DPH6: variants seen among roughly 807,000 people sequenced by gnomAD.
The protein encoded by DPH6 is diphthamine biosynthesis 6.
DPH6 carries 33 observed loss-of-function variants against 38.2 expected under a neutral mutation model. The ratio of observed to expected loss-of-function variants is 0.86; its 90% CI spans 0.65 to 1.15. DPH6 has a LOEUF of 1.15. Among genes scored for constraint, DPH6 ranks in the 50% most tolerant of loss-of-function variants. DPH6 has a pLI of 0.00. For synonymous variants in DPH6, 108 were observed against 103.0 expected, an observed-to-expected ratio of 1.05 and a Z score of -0.30; for missense variants, 325 against 320.0, an observed-to-expected ratio of 1.02 and a Z score of -0.12.
At chr15:35,221,072 A>C (rs2051439160) in intron 3 of DPH6, among the ~76,000 whole-genome samples, 1 of 152,236 alleles carries the variant, frequency 6.6e-6, no homozygotes, top group African/African-American at 2.4e-5. Flanking sequence ...AAAGATGAAC[A>C]TTCATATTCC....
chr15:35,152,120 C>T, the DPH6 span, among the ~76,000 whole-genome samples: 10 of 152,132 alleles, frequency 6.6e-5, no homozygotes, highest in Non-Finnish European at 1.2e-4. Flanking sequence ...AGTTTAGTAA[C>T]GTTTTTGTGA....
At chr15:35,397,760 G>A (rs773395808) in intron 6 of DPH6, among the ~76,000 whole-genome samples, 24 of 152,152 alleles carry the variant, frequency 1.6e-4, no homozygotes, top group Middle Eastern at 3.4e-3. Context: ...CAGAATGCTG[G>A]AGGTTTATTC....
chr15:35,213,244 G>A (rs2051396095), downstream of DPH6, among the ~76,000 whole-genome samples: 2 of 152,136 alleles, frequency 1.3e-5, no homozygotes, highest in East Asian at 1.9e-4. Flanking sequence ...TCTCCTATTT[G>A]CATTTCAAAG....
chr15:35,177,918 G>T, the DPH6 span, among the ~76,000 whole-genome samples: 13 of 150,980 alleles, frequency 8.6e-5, no homozygotes, highest in African/African-American at 3.2e-4. Flanking sequence ...CTCCAGCCTG[G>T]ACAACAAGAG....
At chr15:35,279,084 T>TATATAA (rs1440623243) in intron 3 of DPH6, among the ~76,000 whole-genome samples, 8 of 143,312 alleles carry the variant, frequency 5.6e-5, no homozygotes, top group African/African-American at 2.1e-4. Context: ...TATATATATA[T>TATATAA]AATTTTGGAG....
chr15:35,454,972 A>T (rs2053979033), intron 3 of DPH6, 152 bp from the exon 4 acceptor site: 2 of 539,136 alleles, frequency 3.7e-6, no homozygotes, highest in Admixed American at 4.0e-5. Context: ...TTCAGAAAAA[A>T]TTTGCATATA....
chr15:35,410,167 T>C (rs1414228042), intron 6 of DPH6, among the ~76,000 whole-genome samples: 1 of 151,804 alleles, frequency 6.6e-6, no homozygotes, highest in African/African-American at 2.4e-5. Context: ...GGTTCTTTCA[T>C]AGGAGATTTT....
intron 3 of DPH6, among the ~76,000 whole-genome samples, chr15:35,490,821 A>C (rs1479977321): frequency 6.6e-6 from 1 of 152,100 alleles, no homozygotes; most frequent in African/African-American, 2.4e-5. Flanking sequence ...CTATAAGAGA[A>C]TATCACAGAC....
At chr15:35,181,850 T>G in the DPH6 span, 1 of 152,314 alleles carries the variant, frequency 6.6e-6, no homozygotes, top group East Asian at 1.9e-4. Flanking sequence ...ATGAGACCTA[T>G]TTTTGTAAGT....
At chr15:35,238,220 G>A (rs73391444) in intron 3 of DPH6, 3,745 of 235,924 alleles carry the variant, frequency 0.016, 187 homozygotes, top group African/African-American at 0.089. Flanking sequence ...GGGGTTGCAG[G>A]GAGAGGGAGG....
chr15:35,273,351 T>C (rs551501075), intron 3 of DPH6, among the ~76,000 whole-genome samples: 3 of 152,308 alleles, frequency 2.0e-5, no homozygotes, highest in African/African-American at 7.2e-5. Flanking sequence ...CATTGTATCA[T>C]TCTTACGCCT....
intron 3 of DPH6, among the ~76,000 whole-genome samples, chr15:35,353,939 GTCC>G (rs985199775): frequency 1.3e-5 from 2 of 152,054 alleles, no homozygotes; most frequent in Non-Finnish European, 1.5e-5. Context: ...ATTTATTTGT[GTCC>G]TCTTTTATTT....
chr15:35,377,188 C>T (rs1010758336), intron 7 of DPH6, among the ~76,000 whole-genome samples: 11 of 152,102 alleles, frequency 7.2e-5, no homozygotes, highest in East Asian at 1.9e-4. Flanking sequence ...CACGGCATTA[C>T]GGTGTTCTGT....
At chr15:35,490,278 G>T in intron 3 of DPH6, 1 of 734,976 alleles carries the variant, frequency 1.4e-6, no homozygotes, top group Non-Finnish European at 1.7e-6. Context: ...ATAAAGAGAG[G>T]TTTGTAGTAG....
intron 3 of DPH6, chr15:35,299,530 G>A (rs564946217): frequency 1.6e-6 from 1 of 609,086 alleles, no homozygotes; most frequent in Non-Finnish European, 3.0e-6. Flanking sequence ...AGGAGCCAAC[G>A]GCGGCACCAC....
intron 3 of DPH6, among the ~76,000 whole-genome samples, chr15:35,306,635 A>C (rs777796263): frequency 6.6e-5 from 10 of 152,220 alleles, no homozygotes; most frequent in Non-Finnish European, 1.0e-4. Flanking sequence ...GAATTTCATG[A>C]TTGATTGCCC....
intron 3 of DPH6, 137 bp downstream of exon 3, chr15:35,538,137 C>A: frequency 1.4e-6 from 1 of 730,360 alleles, no homozygotes; most frequent in Non-Finnish European, 2.0e-6. Flanking sequence ...TTTTTCTAAC[C>A]AAAAAAAGAC....
intron 3 of DPH6, among the ~76,000 whole-genome samples, chr15:35,474,078 C>T (rs1016203429): frequency 4.6e-5 from 7 of 151,926 alleles, no homozygotes; most frequent in Admixed American, 2.0e-4. Context: ...GAGGATATAC[C>T]TATGAACATT....
the DPH6 span, among the ~76,000 whole-genome samples, chr15:35,159,502 A>G: frequency 6.6e-6 from 1 of 152,032 alleles, no homozygotes; most frequent in African/African-American, 2.4e-5. Context: ...CAAAACCACA[A>G]AGAGATACCA....
Sources: allele counts gnomAD v4.1 joint callset (sites outside exome capture counted in the v4.1 genomes callset), GRCh38; gene constraint gnomAD v4.1.1; transcripts MANE v1.5; gene names NCBI Gene and HGNC (gene_info 2026-07-23, HGNC 2026-07-21).